SPAG16: variants seen among roughly 807,000 people sequenced by gnomAD.
SPAG16 encodes sperm-associated antigen 16 protein.
A neutral mutation model predicts 80.4 loss-of-function variants in SPAG16; 86 were observed. That is an observed-to-expected ratio of 1.07 (90% CI 0.90 to 1.28). The LOEUF (loss-of-function observed/expected upper bound fraction) is 1.28, where lower values mean the gene tolerates loss of function less well. Ranked by LOEUF, SPAG16 falls within the 50% of genes most tolerant of loss-of-function variation. The pLI, the probability that SPAG16 is intolerant of heterozygous loss-of-function variation, is 0.00. For missense variants in SPAG16, 870 were observed against 765.3 expected (o/e 1.14, Z -1.61); for synonymous variants, 294 against 265.9 (o/e 1.11, Z -1.03).
intron 10 of SPAG16, among the ~76,000 whole-genome samples, chr2:213,527,372 G>T (rs2075923921): frequency 6.6e-6 from 1 of 152,170 alleles, no homozygotes; most frequent in South Asian, 2.1e-4. Context: ...CTTCTAAAAT[G>T]TTGTTCTCTC....
chr2:213,505,745 T>G (rs184922757), intron 10 of SPAG16, among the ~76,000 whole-genome samples: 1 of 152,126 alleles, frequency 6.6e-6, no homozygotes, highest in East Asian at 1.9e-4. Flanking sequence ...TAAACCCTAT[T>G]AACAATTTGG....
At position 214,106,247 on chromosome 2, in the gene SPAG16, T is replaced by C. The variant is rs137930970; in HGVS notation, c.1528-1949T>C. ...TTAGTTCTCAAAATTAACCAAAAAA[T>C]TTCTAAGATAATATAAAAAACTATG... is the stretch of plus-strand genomic sequence containing the variant. On this transcript the variant is annotated intron_variant, in intron 13 of 15. Transcript: ENST00000331683. Among the ~76,000 whole-genome samples, 13 of 152,272 alleles carry C rather than the reference T, an allele frequency of 8.5e-5. No homozygotes were observed. The East Asian group carries it at 2.5e-3, about 29-fold the overall frequency.
chr2:214,140,973 G>A (rs1233092654), intron 14 of SPAG16, among the ~76,000 whole-genome samples: 1 of 149,058 alleles, frequency 6.7e-6, no homozygotes, highest in Non-Finnish European at 1.5e-5. Context: ...GTGACAGAGA[G>A]AGAGATATAT....
intron 9 of SPAG16, among the ~76,000 whole-genome samples, chr2:213,476,277 G>T (rs1219167928): frequency 6.6e-6 from 1 of 152,234 alleles, no homozygotes; most frequent in Non-Finnish European, 1.5e-5. Flanking sequence ...TCGGGAATTG[G>T]AGCCAATCCA....
chr2:214,168,455 C>T (rs1338863481), intron 15 of SPAG16, among the ~76,000 whole-genome samples: 1 of 151,998 alleles, frequency 6.6e-6, no homozygotes, highest in Non-Finnish European at 1.5e-5. Context: ...AGAAAATTAA[C>T]TACCTCTTTC....
chr2:214,151,010 A>G (rs758455639), intron 15 of SPAG16, among the ~76,000 whole-genome samples: 3 of 152,042 alleles, frequency 2.0e-5, no homozygotes, highest in South Asian at 2.1e-4. Context: ...ATCAAAGACA[A>G]CACGTATGAA....
In SPAG16 at chr2:213,487,780, A is replaced by G. The variant is rs972395202; in HGVS notation, c.943-2183A>G. 3.3e-5 allele frequency among the ~76,000 whole-genome samples: 5 copies of G among 152,214 alleles called. No homozygotes were observed. In the East Asian group the frequency reaches 9.6e-4, roughly 29 times the overall value. ...GGTTTCAGATATTTTCATGAAGTTC[A>G]AACAACTATATAAGACTGGATTTGG... On this transcript the variant is annotated intron_variant, in intron 9 of 15. Coordinates refer to ENST00000331683, the MANE Select transcript of SPAG16 (RefSeq NM_024532.5).
intron 13 of SPAG16, among the ~76,000 whole-genome samples, chr2:214,032,748 A>G (rs1468578810): frequency 9.2e-5 from 14 of 152,232 alleles, no homozygotes; most frequent in African/African-American, 4.8e-5. Flanking sequence ...CCCAAATTCT[A>G]TATTAATTTT....
intron 10 of SPAG16, among the ~76,000 whole-genome samples, chr2:213,697,192 A>G (rs1014736847): frequency 6.6e-6 from 1 of 152,216 alleles, no homozygotes; most frequent in Non-Finnish European, 1.5e-5. Flanking sequence ...CTATTTAACA[A>G]GGTCATCATT....
At chr2:213,525,656 A>G (rs1035681710) in intron 10 of SPAG16, among the ~76,000 whole-genome samples, 1 of 152,130 alleles carries the variant, frequency 6.6e-6, no homozygotes, top group Non-Finnish European at 1.5e-5. Context: ...AGAATGGACT[A>G]ATACACTAAT....
intron 10 of SPAG16, among the ~76,000 whole-genome samples, chr2:213,636,207 G>T (rs958063559): frequency 1.3e-5 from 2 of 152,080 alleles, no homozygotes; most frequent in Non-Finnish European, 2.9e-5. Flanking sequence ...TGAATAGGGT[G>T]TATTTTCCCC....
intron 3 of SPAG16, among the ~76,000 whole-genome samples, chr2:213,303,240 G>T (rs1165228703): frequency 6.6e-6 from 1 of 151,752 alleles, no homozygotes; most frequent in African/African-American, 2.4e-5. Context: ...ATCTTTGGAA[G>T]AATAGTCCAG....
chr2:213,456,561 G>A (rs1281979914), intron 9 of SPAG16, among the ~76,000 whole-genome samples: 1 of 151,960 alleles, frequency 6.6e-6, no homozygotes, highest in Non-Finnish European at 1.5e-5. Flanking sequence ...TTTTCTCTTA[G>A]GTATTTTGTA....
chr2:214,252,365 A>G (rs974367429), intron 15 of SPAG16, among the ~76,000 whole-genome samples: 2 of 152,080 alleles, frequency 1.3e-5, no homozygotes, highest in Admixed American at 1.3e-4. Context: ...TTACATAGGT[A>G]TACACGTGCC....
chr2:213,676,592 A>G (rs1234828367), intron 10 of SPAG16, among the ~76,000 whole-genome samples: 2 of 152,132 alleles, frequency 1.3e-5, no homozygotes, highest in South Asian at 4.1e-4. Context: ...TTTAGCATGA[A>G]GGGTTGTTGA....
At chr2:213,368,571 T>C (rs2066454121) in intron 8 of SPAG16, among the ~76,000 whole-genome samples, 1 of 152,108 alleles carries the variant, frequency 6.6e-6, no homozygotes, top group Non-Finnish European at 1.5e-5. Flanking sequence ...CCAGGGCAAT[T>C]AGTCAGGAAA....
intron 12 of SPAG16, among the ~76,000 whole-genome samples, chr2:213,949,179 T>TTTTTTTTTTTTTTGTTTTTTGTTTTG (rs2079613121): frequency 8.3e-5 from 3 of 36,262 alleles, no homozygotes; most frequent in South Asian, 2.0e-3. Context: ...GTTTTTTTTT[T>TTTTTTTTTTTTTTGTTTTTTGTTTTG]TTTTTTTTTT....
At chr2:213,363,748 A>G (rs2066124977) in intron 7 of SPAG16, among the ~76,000 whole-genome samples, 1 of 152,106 alleles carries the variant, frequency 6.6e-6, no homozygotes, top group Admixed American at 6.5e-5. Flanking sequence ...AACAATTTGA[A>G]CAGAGGAAAA....
intron 15 of SPAG16, among the ~76,000 whole-genome samples, chr2:214,381,029 C>A (rs1360075911): frequency 6.6e-6 from 1 of 152,194 alleles, no homozygotes; most frequent in Non-Finnish European, 1.5e-5. Context: ...TATTAAAACC[C>A]TTTTTCCTCT....
Sources: gnomAD v4.1 joint callset for allele counts (sites outside exome capture counted in the v4.1 genomes callset) on GRCh38, gnomAD v4.1.1 for gene constraint, MANE v1.5 for transcripts, NCBI Gene and HGNC (gene_info 2026-07-23, HGNC 2026-07-21) for gene names.